ZNF536: variants seen among roughly 807,000 people sequenced by gnomAD.
ZNF536 encodes zinc finger protein 536.
ZNF536 carries 13 observed loss-of-function variants against 84.5 expected under a neutral mutation model. The ratio of observed to expected loss-of-function variants is 0.15; its 90% CI spans 0.10 to 0.24. ZNF536 has a LOEUF of 0.24. Ranked by LOEUF, ZNF536 falls within the 10% of genes least tolerant of loss-of-function variation. ZNF536 has a pLI of 1.00. For synonymous variants in ZNF536, 811 were observed against 742.5 expected, an observed-to-expected ratio of 1.09 and a Z score of -1.50; for missense variants, 1,536 against 1,747.5, an observed-to-expected ratio of 0.88 and a Z score of 2.16.
At chr19:30,677,621 A>G (rs1278426893) in intron 1 of ZNF536, among the ~76,000 whole-genome samples, 1 of 152,262 alleles carries the variant, frequency 6.6e-6, no homozygotes, top group African/African-American at 2.4e-5. Context: ...GGTCCTGTCT[A>G]GCTCTGACCC....
rs371606169 is a variant in ZNF536, at chr19:30,435,188, A to C, written c.-2-8373A>C. Among the ~76,000 whole-genome samples, 114 of 149,958 alleles carry C rather than the reference A, an allele frequency of 7.6e-4. 1 individual carries two copies. Among genetic ancestry groups the C allele is most frequent in the African/African-American group, 1.6e-3 (66 of 40,572 alleles). Reference sequence around the variant, plus strand: ...GGTGATGCTGATGATGCTGCTGCTGATGATGATGCTGATGATGGTGATGAT... The same window carrying C: ...GGTGATGCTGATGATGCTGCTGCTGCTGATGATGCTGATGATGGTGATGAT... On this transcript the variant is annotated intron_variant, in intron 1 of 4. Transcript: ENST00000355537.
chr19:30,520,224 G>A (rs181925322), intron 2 of ZNF536, among the ~76,000 whole-genome samples: 1 of 152,326 alleles, frequency 6.6e-6, no homozygotes, highest in East Asian at 1.9e-4. Flanking sequence ...TCTCATTGCA[G>A]TCCCAAGTTC....
intron 1 of ZNF536, among the ~76,000 whole-genome samples, chr19:30,237,431 G>GAAT (rs2023613678): frequency 6.6e-6 from 1 of 152,148 alleles, no homozygotes; most frequent in Admixed American, 6.5e-5. Flanking sequence ...GAATCAGAGG[G>GAAT]CTTAGCAGAA....
intron 2 of ZNF536, among the ~76,000 whole-genome samples, chr19:30,505,269 A>G (rs2055123013): frequency 6.8e-6 from 1 of 147,690 alleles, no homozygotes; most frequent in Non-Finnish European, 1.5e-5. Context: ...TACATTACAT[A>G]TTATATACTA....
At chr19:30,545,164 T>A (rs1250175652) in intron 3 of ZNF536, among the ~76,000 whole-genome samples, 4 of 152,134 alleles carry the variant, frequency 2.6e-5, no homozygotes, top group Admixed American at 2.6e-4. Context: ...GTATCAGCAC[T>A]TCATCAAGCC....
chr19:30,278,826 C>T (rs2045334921), intron 1 of ZNF536, among the ~76,000 whole-genome samples: 1 of 152,216 alleles, frequency 6.6e-6, no homozygotes, highest in African/African-American at 2.4e-5. Context: ...CCTGCCTCCT[C>T]TCTGACCCCC....
intron 1 of ZNF536, among the ~76,000 whole-genome samples, chr19:30,601,134 G>A (rs868003558): frequency 5.3e-5 from 8 of 152,096 alleles, no homozygotes; most frequent in East Asian, 3.9e-4. Context: ...TCTGGGAGCC[G>A]GAAGATACCA....
At chr19:30,538,336 T>C (rs62103392) in intron 3 of ZNF536, among the ~76,000 whole-genome samples, 6,575 of 152,320 alleles carry the variant, frequency 0.043, 206 homozygotes, top group Non-Finnish European at 0.068. Flanking sequence ...AATATAAATA[T>C]ATTTTTAATT....
intron 2 of ZNF536, among the ~76,000 whole-genome samples, chr19:30,324,094 C>A (rs1039949298): frequency 7.9e-5 from 12 of 151,814 alleles, no homozygotes; most frequent in Admixed American, 4.6e-4. Context: ...TCTATTCATC[C>A]ATCTATCATC....
chr19:30,451,539 G>C (rs945171784), intron 2 of ZNF536, among the ~76,000 whole-genome samples: 1 of 152,206 alleles, frequency 6.6e-6, no homozygotes, highest in African/African-American at 2.4e-5. Context: ...ATTTCAGAAA[G>C]AGGGTACTTG....
chr19:30,499,568 A>G (rs2054866783), intron 2 of ZNF536, among the ~76,000 whole-genome samples: 1 of 152,214 alleles, frequency 6.6e-6, no homozygotes, highest in Non-Finnish European at 1.5e-5. Context: ...CTAGGATGTC[A>G]TAATTTTAAA....
intron 2 of ZNF536, among the ~76,000 whole-genome samples, chr19:30,527,250 TA>T (rs2040140242): frequency 1.5e-5 from 2 of 133,024 alleles, no homozygotes; most frequent in African/African-American, 3.1e-5. Flanking sequence ...TTTTTTTTTT[TA>T]AGAAATTAGC....
chr19:30,424,902 C>A (rs1262887096), intron 1 of ZNF536, among the ~76,000 whole-genome samples: 1 of 152,118 alleles, frequency 6.6e-6, no homozygotes, highest in Non-Finnish European at 1.5e-5. Context: ...GTGCTGCCTG[C>A]CACCTTCTGC....
At chr19:30,339,643 C>T (rs928151106) in intron 2 of ZNF536, among the ~76,000 whole-genome samples, 7 of 152,110 alleles carry the variant, frequency 4.6e-5, no homozygotes, top group African/African-American at 1.7e-4. Flanking sequence ...ACCTCCACCT[C>T]GAGGGTGAGG....
intron 2 of ZNF536, among the ~76,000 whole-genome samples, chr19:30,302,792 AGG>A (rs1039659933): frequency 6.6e-6 from 1 of 151,876 alleles, no homozygotes; most frequent in African/African-American, 2.4e-5. Flanking sequence ...AACTGCCCCC[AGG>A]GCCTGCAAGC....
chr19:30,646,610 C>A (rs2049480273), intron 1 of ZNF536, among the ~76,000 whole-genome samples: 1 of 152,212 alleles, frequency 6.6e-6, no homozygotes, highest in African/African-American at 2.4e-5. Context: ...AGTGCTTTAG[C>A]TCCTTCTAGA....
chr19:30,671,353 T>A (rs887664939), intron 1 of ZNF536, among the ~76,000 whole-genome samples: 1 of 152,180 alleles, frequency 6.6e-6, no homozygotes, highest in African/African-American at 2.4e-5. Flanking sequence ...ACTGGAAAGG[T>A]TGGCCCAGCC....
chr19:30,533,448 A>T (rs1487133128), intron 2 of ZNF536, among the ~76,000 whole-genome samples: 1 of 151,860 alleles, frequency 6.6e-6, no homozygotes, highest in Non-Finnish European at 1.5e-5. Context: ...TGTGCCCAGG[A>T]GTTTGAAGTT....
At chr19:30,241,393 T>A (rs1056231487) in intron 1 of ZNF536, among the ~76,000 whole-genome samples, 1 of 151,962 alleles carries the variant, frequency 6.6e-6, no homozygotes, top group Non-Finnish European at 1.5e-5. Flanking sequence ...TGGAGAGAAA[T>A]GAAACAGGGT....
Sources: gnomAD v4.1 joint callset for allele counts (sites outside exome capture counted in the v4.1 genomes callset) on GRCh38, gnomAD v4.1.1 for gene constraint, MANE v1.5 for transcripts, NCBI Gene and HGNC (gene_info 2026-07-23, HGNC 2026-07-21) for gene names.